The following WWTR1 variants were observed in gnomAD, a reference collection of about 807,000 sequenced individuals.
WWTR1 encodes the protein WW domain containing transcription regulator 1.
In WWTR1, 13 loss-of-function variants were observed where a neutral mutation model predicts 40.1. The ratio of observed to expected loss-of-function variants is 0.32; its 90% CI spans 0.21 to 0.52. WWTR1 has a LOEUF of 0.52. Among genes scored for constraint, WWTR1 ranks in the 20% least tolerant of loss-of-function variants. The pLI is 0.97. For missense variants in WWTR1, 436 were observed against 523.1 expected, an observed-to-expected ratio of 0.83 and a Z score of 1.63; for synonymous variants, 230 against 210.1, an observed-to-expected ratio of 1.09 and a Z score of -0.82.
intron 3 of WWTR1, among the ~76,000 whole-genome samples, chr3:149,563,678 AG>A (rs1560062098): frequency 6.6e-6 from 1 of 152,208 alleles, no homozygotes; most frequent in Non-Finnish European, 1.5e-5. Flanking sequence ...ACGATTGAGT[AG>A]GTTCTTGTAT....
chr3:149,568,551 A>AC (rs1301796358), intron 3 of WWTR1, among the ~76,000 whole-genome samples: 9 of 72,266 alleles, frequency 1.2e-4, no homozygotes, highest in Non-Finnish European at 2.2e-4. Context: ...AAAAAAAAAA[A>AC]AAAAAAAAAC....
intron 1 of WWTR1, among the ~76,000 whole-genome samples, chr3:149,689,380 C>CAAAAAAAAAAAAAAAAAAAAAAACAA (rs3044083): frequency 5.4e-5 from 2 of 36,698 alleles, no homozygotes; most frequent in African/African-American, 1.2e-4. Flanking sequence ...GAACCTATCT[C>CAAAAAAAAAAAAAAAAAAAAAAACAA]AAAAAAAAAA....
chr3:149,621,346 T>A (rs575220941), intron 2 of WWTR1, among the ~76,000 whole-genome samples: 22 of 152,296 alleles, frequency 1.4e-4, no homozygotes, highest in Admixed American at 2.0e-4. Flanking sequence ...ATTTTTTTTT[T>A]AACTCAAGTA....
intron 2 of WWTR1, among the ~76,000 whole-genome samples, chr3:149,629,161 G>A (rs1036673163): frequency 1.3e-5 from 2 of 152,122 alleles, no homozygotes; most frequent in African/African-American, 4.8e-5. Flanking sequence ...ATGAGTTTAA[G>A]AGGAAAAAAA....
At chr3:149,671,423 G>C (rs778513274) in intron 1 of WWTR1, among the ~76,000 whole-genome samples, 3 of 152,150 alleles carry the variant, frequency 2.0e-5, no homozygotes, top group Non-Finnish European at 2.9e-5. Flanking sequence ...GTTTGGTTCT[G>C]AGTCTATAAG....
intron 5 of WWTR1, among the ~76,000 whole-genome samples, chr3:149,710,585 T>C (rs1391944026): frequency 6.3e-5 from 3 of 47,778 alleles, no homozygotes; most frequent in South Asian, 1.1e-3. Flanking sequence ...CCCCCCCCTT[T>C]TTTTTTTTTT....
chr3:149,539,169 A>G (rs1735971599), intron 4 of WWTR1, among the ~76,000 whole-genome samples: 1 of 152,334 alleles, frequency 6.6e-6, no homozygotes, highest in South Asian at 2.1e-4. Context: ...ATGGCACAAC[A>G]TCATCAAACT....
At chr3:149,545,412 A>G (rs572558008) in intron 3 of WWTR1, among the ~76,000 whole-genome samples, 1 of 152,364 alleles carries the variant, frequency 6.6e-6, no homozygotes, top group East Asian at 1.9e-4. Context: ...ATATGGTAGT[A>G]TCTGACACAA....
intron 3 of WWTR1, among the ~76,000 whole-genome samples, chr3:149,570,895 T>C (rs148243271): frequency 1.1e-3 from 173 of 152,250 alleles, no homozygotes; most frequent in African/African-American, 4.0e-3. Flanking sequence ...ACAAAGGATA[T>C]CCACTCCAGT....
Position 149,520,321 on chromosome 3 carries a change from T to C in WWTR1, c.*484A>G, listed in dbSNP as rs914746459. The C allele has an allele frequency of 2.6e-5, 4 of 152,438 alleles. No individual in the cohort carries two copies. The highest frequency in any genetic ancestry group is 9.6e-5 in the African/African-American group (4 of 41,470). 9.4% of individuals were successfully genotyped at this position (152,438 alleles called of 1,614,324 possible). On this transcript the variant is annotated 3_prime_UTR_variant, in exon 7 of 7. Transcript: ENST00000360632. Reference sequence around the variant, plus strand: ...AATGATTTTTAAAGCTCAAGTTAAATAGTTTTTAAAGCATTTGGTACTACT... The same window carrying C: ...AATGATTTTTAAAGCTCAAGTTAAACAGTTTTTAAAGCATTTGGTACTACT...
At chr3:149,632,673 G>T (rs1415339348) in intron 2 of WWTR1, among the ~76,000 whole-genome samples, 4 of 152,156 alleles carry the variant, frequency 2.6e-5, no homozygotes, top group African/African-American at 9.7e-5. Context: ...CAAATGAATG[G>T]ATAAACAAAA....
At chr3:149,691,989 C>A (rs1022793951) in intron 1 of WWTR1, among the ~76,000 whole-genome samples, 1 of 151,762 alleles carries the variant, frequency 6.6e-6, no homozygotes, top group Non-Finnish European at 1.5e-5. Flanking sequence ...GCACTCCAGC[C>A]TGGGTGACAG....
intron 3 of WWTR1, among the ~76,000 whole-genome samples, chr3:149,572,389 T>C (rs556298721): frequency 6.6e-6 from 1 of 152,244 alleles, no homozygotes; most frequent in South Asian, 2.1e-4. Context: ...AAAGCGTGTA[T>C]GTGTCCTACT....
chr3:149,551,299 C>A (rs200332641), intron 3 of WWTR1, among the ~76,000 whole-genome samples: 3 of 134,602 alleles, frequency 2.2e-5, no homozygotes, highest in Admixed American at 7.4e-5. Flanking sequence ...ACTTCGTCTC[C>A]AAAAAAAAAA....
chr3:149,676,333 A>C (rs575498950), intron 1 of WWTR1, among the ~76,000 whole-genome samples: 1 of 152,324 alleles, frequency 6.6e-6, no homozygotes. Flanking sequence ...CAGATAATTT[A>C]AGGATTTTAG....
chr3:149,644,056 T>C (rs1386736723), intron 2 of WWTR1, among the ~76,000 whole-genome samples: 1 of 152,176 alleles, frequency 6.6e-6, no homozygotes, highest in Non-Finnish European at 1.5e-5. Context: ...CTTGGGCATC[T>C]TAAAGTCACT....
chr3:149,606,803 G>A (rs918573403), intron 2 of WWTR1, among the ~76,000 whole-genome samples: 2 of 152,196 alleles, frequency 1.3e-5, no homozygotes, highest in Admixed American at 6.5e-5. Flanking sequence ...TTCAAGTTGA[G>A]ACTTACCAGG....
chr3:149,545,918 A>C (rs1736342854), intron 3 of WWTR1, among the ~76,000 whole-genome samples: 1 of 152,230 alleles, frequency 6.6e-6, no homozygotes, highest in Non-Finnish European at 1.5e-5. Flanking sequence ...ATCATCAGTC[A>C]CTTAGGTAGA....
At chr3:149,691,457 T>A (rs1271785064) in intron 1 of WWTR1, among the ~76,000 whole-genome samples, 4 of 149,484 alleles carry the variant, frequency 2.7e-5, no homozygotes, top group African/African-American at 7.4e-5. Context: ...ATAAATAAAA[T>A]CAGAGATGAA....
Sources: allele counts gnomAD v4.1 joint callset (sites outside exome capture counted in the v4.1 genomes callset), GRCh38; gene constraint gnomAD v4.1.1; transcripts MANE v1.5; gene names NCBI Gene and HGNC (gene_info 2026-07-23, HGNC 2026-07-21).